USP46: variants seen among roughly 807,000 people sequenced by gnomAD.
USP46 encodes ubiquitin carboxyl-terminal hydrolase 46.
Under a neutral mutation model 44.4 loss-of-function variants are expected in USP46, and 12 were observed. That is an observed-to-expected ratio of 0.27 (90% CI 0.17 to 0.44). The LOEUF is 0.44. Among genes scored for constraint, USP46 ranks in the 20% least tolerant of loss-of-function variants. The pLI, the probability that USP46 is intolerant of heterozygous loss-of-function variation, is 1.00. For missense variants in USP46, 248 were observed against 444.8 expected, an observed-to-expected ratio of 0.56 and a Z score of 3.98; for synonymous variants, 155 against 161.5, an observed-to-expected ratio of 0.96 and a Z score of 0.31.
chr4:52,656,307 T>C, intron 1 of USP46: 1 of 1,551,370 alleles, frequency 6.4e-7, no homozygotes, highest in Non-Finnish European at 8.7e-7. Context: ...TGAAAACAAT[T>C]CATTATTGAG....
chr4:52,623,639 G>A (rs995192984), intron 4 of USP46, among the ~76,000 whole-genome samples: 8 of 152,104 alleles, frequency 5.3e-5, no homozygotes, highest in Admixed American at 5.2e-4. Context: ...AAAACAAAAA[G>A]TAGGGGCCAG....
At chr4:52,602,304 T>G (rs1478147788) in intron 6 of USP46, among the ~76,000 whole-genome samples, 2 of 152,166 alleles carry the variant, frequency 1.3e-5, no homozygotes, top group Non-Finnish European at 1.5e-5. Context: ...TCCAGAATTT[T>G]TGTACAAATA....
At chr4:52,649,228 G>A (rs1020325432) in intron 1 of USP46, among the ~76,000 whole-genome samples, 1 of 152,190 alleles carries the variant, frequency 6.6e-6, no homozygotes, top group African/African-American at 2.4e-5. Flanking sequence ...TTTGCACTTT[G>A]AGCAAACAGA....
At position 52,591,621 on chromosome 4, in the gene USP46, T is replaced by C. The variant is rs1361214307; in HGVS notation, c.*6019A>G. On this transcript the variant is annotated 3_prime_UTR_variant, in exon 9 of 9. Coordinates refer to ENST00000441222, the MANE Select transcript of USP46 (RefSeq NM_022832.4). ...TAAGCACACAATTAGAAGTCTTTTC[T>C]ATACAATCTAATGTCATTTCTGACT... 3 of 152,270 alleles carry C rather than the reference T, an allele frequency of 2.0e-5. No individual in the cohort carries two copies. The highest frequency in any genetic ancestry group is 2.9e-5 in the Non-Finnish European group (2 of 68,042). 9.4% of individuals were successfully genotyped at this position (152,270 alleles called of 1,614,324 possible). A position where few individuals can be genotyped will look rare whatever the true frequency, so the allele number is the denominator to read the frequency against.
chr4:52,635,165 A>G (rs183518786), intron 1 of USP46, among the ~76,000 whole-genome samples: 24 of 150,456 alleles, frequency 1.6e-4, no homozygotes, highest in Admixed American at 4.7e-4. Context: ...AGCCACATCT[A>G]CATCTCTCCA....
At chr4:52,604,953 G>A (rs968027917) in intron 5 of USP46, among the ~76,000 whole-genome samples, 18 of 152,118 alleles carry the variant, frequency 1.2e-4, no homozygotes, top group South Asian at 4.1e-4. Flanking sequence ...AATTAAAATC[G>A]TAATAGAAAA....
intron 1 of USP46, chr4:52,656,254 C>G: frequency 6.5e-7 from 1 of 1,547,052 alleles, no homozygotes; most frequent in East Asian, 2.4e-5. Flanking sequence ...AAGAGGCCCA[C>G]AGAGGAGCTA....
intron 2 of USP46, among the ~76,000 whole-genome samples, chr4:52,630,059 C>G (rs1003865259): frequency 6.6e-6 from 1 of 152,144 alleles, no homozygotes; most frequent in Non-Finnish European, 1.5e-5. Context: ...TTCAGAAAAC[C>G]AATTGTTTTT....
At chr4:52,614,914 A>G (rs954553752) in intron 4 of USP46, among the ~76,000 whole-genome samples, 9 of 152,174 alleles carry the variant, frequency 5.9e-5, no homozygotes, top group African/African-American at 2.2e-4. Flanking sequence ...TGCTTTCTAC[A>G]TTTTATGTGA....
chr4:52,649,906 A>G (rs959416052), intron 1 of USP46, among the ~76,000 whole-genome samples: 2 of 152,168 alleles, frequency 1.3e-5, no homozygotes, highest in East Asian at 3.8e-4. Context: ...ACACACACAC[A>G]CATACACACG....
Position 52,659,160 on chromosome 4 carries a change from G to A in USP46, c.-10C>T, listed in dbSNP as rs758015884. ...TGTTTCGGACAGTCATTAGTCTAAAGGTTGCAGCGATCCCTCACCGCCATC... is the reference window on the plus strand; with the variant it reads ...TGTTTCGGACAGTCATTAGTCTAAAAGTTGCAGCGATCCCTCACCGCCATC... On this transcript the variant is annotated 5_prime_UTR_variant, in exon 1 of 9. Coordinates refer to ENST00000441222, the MANE Select transcript of USP46 (RefSeq NM_022832.4). This position sits in a 1 kb window ranked among gnomAD's most constrained non-coding sequence, Gnocchi z 4.2. 8 of 1,556,020 alleles carry A rather than the reference G, an allele frequency of 5.1e-6. No individual in the cohort carries two copies. The highest frequency in any genetic ancestry group is 6.9e-6 in the Non-Finnish European group (8 of 1,151,810).
intron 6 of USP46, among the ~76,000 whole-genome samples, chr4:52,603,682 CTTTTTCT>C (rs1000527274): frequency 3.3e-5 from 5 of 151,958 alleles, no homozygotes; most frequent in African/African-American, 9.7e-5. Flanking sequence ...ATCACCTGTT[CTTTTTCT>C]TTTTTCTTTT....
intron 1 of USP46, among the ~76,000 whole-genome samples, chr4:52,653,841 A>T (rs1337231971): frequency 6.6e-6 from 1 of 151,940 alleles, no homozygotes; most frequent in Non-Finnish European, 1.5e-5. Flanking sequence ...CAGGAGGGGG[A>T]AAAAAAAGAC....
At chr4:52,613,205 C>G (rs1045125263) in intron 4 of USP46, among the ~76,000 whole-genome samples, 2 of 152,090 alleles carry the variant, frequency 1.3e-5, no homozygotes, top group African/African-American at 4.8e-5. Context: ...TCTGGGAAAC[C>G]ATGCCCACTG....
chr4:52,597,809 T>C, intron 8 of USP46, 68 bp from the exon 9 acceptor site: 1 of 1,102,384 alleles, frequency 9.1e-7, no homozygotes, highest in South Asian at 1.5e-5. Context: ...AAATAAAAAC[T>C]AATGGAATAT....
At position 52,596,551 on chromosome 4, in the gene USP46, C is replaced by G. The variant is rs886620478; in HGVS notation, c.*1089G>C. On this transcript the variant is annotated 3_prime_UTR_variant, in exon 9 of 9. Transcript: ENST00000441222. ...CTGCCCACGGACACTTCCTTTGAGC[C>G]ACCTCTATACCCAGCTAACTCTGGT... 2 of 152,214 alleles carry G rather than the reference C, an allele frequency of 1.3e-5. No homozygotes were observed. The highest frequency in any genetic ancestry group is 4.8e-5 in the African/African-American group (2 of 41,442). The allele number at this position is 152,214 out of a possible 1,614,324, so 9.4% of individuals were successfully genotyped here. A position where few individuals can be genotyped will look rare whatever the true frequency, so the allele number is the denominator to read the frequency against.
intron 1 of USP46, among the ~76,000 whole-genome samples, chr4:52,633,006 GAAAGAAA>G (rs1717972370): frequency 8.4e-6 from 1 of 118,986 alleles, no homozygotes; most frequent in Non-Finnish European, 1.8e-5. Context: ...AAGAAAGAAA[GAAAGAAA>G]GAAAGAAAGA....
At chr4:52,612,016 T>C (rs958836083) in intron 4 of USP46, among the ~76,000 whole-genome samples, 1 of 152,212 alleles carries the variant, frequency 6.6e-6, no homozygotes, top group Non-Finnish European at 1.5e-5. Context: ...CTCTGTTTCC[T>C]CATCTGTAAA....
chr4:52,656,378 T>A, intron 1 of USP46: 1 of 1,541,820 alleles, frequency 6.5e-7, no homozygotes, highest in African/African-American at 1.4e-5. Flanking sequence ...AAGACAGCAG[T>A]TTCCTCATAC....
Sources: gnomAD v4.1 joint callset for allele counts (sites outside exome capture counted in the v4.1 genomes callset) on GRCh38, gnomAD v4.1.1 for gene constraint, Gnocchi (gnomAD v3.1) non-coding constraint, MANE v1.5 for transcripts, NCBI Gene and HGNC (gene_info 2026-07-23, HGNC 2026-07-21) for gene names.